Variants in EXOC6 observed in about 807,000 individuals in gnomAD.
EXOC6 encodes SEC15-like 1.
Under a neutral mutation model 112.5 loss-of-function variants are expected in EXOC6, and 60 were observed. That is an observed-to-expected ratio of 0.53 (90% confidence interval 0.43 to 0.66). The LOEUF (loss-of-function observed/expected upper bound fraction) is 0.66, where lower values mean the gene tolerates loss of function less well. EXOC6 is among the 30% of genes least tolerant of loss of function. EXOC6 has a pLI of 0.00. For synonymous variants in EXOC6, 295 were observed against 308.0 expected, an observed-to-expected ratio of 0.96 and a Z score of 0.44; for missense variants, 855 against 957.1, an observed-to-expected ratio of 0.89 and a Z score of 1.41.
chr10:93,003,820 T>G (rs1843862590), intron 19 of EXOC6, among the ~76,000 whole-genome samples: 1 of 151,956 alleles, frequency 6.6e-6, no homozygotes, highest in Admixed American at 6.6e-5. Context: ...TTGAGCTGGG[T>G]AAAAAGTAAA....
chr10:92,897,211 G>A (rs1187242087), intron 4 of EXOC6, among the ~76,000 whole-genome samples: 112 of 152,308 alleles, frequency 7.4e-4, no homozygotes, highest in Non-Finnish European at 2.1e-4. Flanking sequence ...AAGGGAAGTA[G>A]AGGTCAGCCG....
rs937954578 is a variant in EXOC6, at chr10:93,058,564, C to A, written c.*209C>A. 5.5e-5 allele frequency: 20 copies of A among 366,946 alleles called. No individual in the cohort carries two copies. Among genetic ancestry groups the A allele is most frequent in the African/African-American group, 2.9e-4 (14 of 47,636 alleles). 22.7% of individuals were successfully genotyped at this position (366,946 alleles called of 1,614,324 possible). A position where few individuals can be genotyped will look rare whatever the true frequency, so the allele number is the denominator to read the frequency against. On this transcript the variant is annotated 3_prime_UTR_variant, in exon 22 of 22. Transcript: ENST00000260762. ...TATTTTATATATGGAAAAAAATGAC[C>A]ATTTTTTCACTTTTAGGGGAAAATG... is the stretch of plus-strand genomic sequence containing the variant.
intron 17 of EXOC6, among the ~76,000 whole-genome samples, chr10:92,968,060 A>G (rs74149184): frequency 0.03 from 4,624 of 152,298 alleles, 173 homozygotes; most frequent in East Asian, 0.15. Context: ...TCTGTAGGTC[A>G]TAAGCATTTA....
At chr10:93,020,233 T>G (rs1844722391) in intron 20 of EXOC6, among the ~76,000 whole-genome samples, 1 of 152,210 alleles carries the variant, frequency 6.6e-6, no homozygotes, top group African/African-American at 2.4e-5. Flanking sequence ...TTTTTCTCAC[T>G]TAAAATCACT....
intron 20 of EXOC6, among the ~76,000 whole-genome samples, chr10:93,037,893 A>G (rs754680140): frequency 6.0e-5 from 9 of 150,750 alleles, no homozygotes; most frequent in Non-Finnish European, 1.2e-4. Flanking sequence ...CAAAAAAATT[A>G]GCCGGGCGCG....
chr10:93,012,124 G>A (rs148054418), intron 19 of EXOC6, among the ~76,000 whole-genome samples: 490 of 152,252 alleles, frequency 3.2e-3, no homozygotes, highest in Middle Eastern at 6.8e-3. Flanking sequence ...TCAAAGGAAC[G>A]TGTATAAAAC....
intron 19 of EXOC6, among the ~76,000 whole-genome samples, chr10:92,999,593 A>T (rs1217825674): frequency 6.6e-6 from 1 of 152,166 alleles, no homozygotes; most frequent in Non-Finnish European, 1.5e-5. Context: ...TAGTACATTA[A>T]GACATTTTGT....
At chr10:92,842,251 C>T (rs1390311852) in intron 1 of EXOC6, among the ~76,000 whole-genome samples, 3 of 151,372 alleles carry the variant, frequency 2.0e-5, no homozygotes, top group Non-Finnish European at 2.9e-5. Flanking sequence ...CCTAGCTACT[C>T]AGGAGGCTGA....
intron 20 of EXOC6, among the ~76,000 whole-genome samples, chr10:93,035,758 G>A (rs1845487430): frequency 6.6e-6 from 1 of 152,328 alleles, no homozygotes; most frequent in Admixed American, 6.5e-5. Context: ...GGGAGGTTGA[G>A]ACATGAGAAT....
At chr10:93,056,787 T>G in intron 20 of EXOC6, 137 bp from the exon 21 acceptor site, 1 of 601,550 alleles carries the variant, frequency 1.7e-6, no homozygotes, top group Non-Finnish European at 2.9e-6. Flanking sequence ...GTTAATGAAG[T>G]TTTAAAAATG....
intron 8 of EXOC6, among the ~76,000 whole-genome samples, chr10:92,927,045 A>G (rs1048801638): frequency 6.6e-6 from 1 of 152,178 alleles, no homozygotes; most frequent in Non-Finnish European, 1.5e-5. Context: ...AATTGGAAAA[A>G]GTTTCGTATA....
chr10:92,886,162 A>G (rs1225335425), intron 1 of EXOC6, among the ~76,000 whole-genome samples: 1 of 152,248 alleles, frequency 6.6e-6, no homozygotes, highest in Admixed American at 6.5e-5. Context: ...TAAACCAACT[A>G]GGCTCAAAGA....
intron 7 of EXOC6, among the ~76,000 whole-genome samples, chr10:92,918,416 C>CTT (rs34709274): frequency 7.3e-4 from 104 of 141,736 alleles, no homozygotes; most frequent in East Asian, 2.4e-3. Context: ...ATGTGCATTT[C>CTT]TTTTTTTTTT....
intron 12 of EXOC6, among the ~76,000 whole-genome samples, chr10:92,939,529 A>G (rs531252792): frequency 6.6e-6 from 1 of 152,052 alleles, no homozygotes; most frequent in South Asian, 2.1e-4. Context: ...GGAATACTTG[A>G]TTTCATTGGA....
chr10:92,890,970 G>A (rs988670294), intron 1 of EXOC6, among the ~76,000 whole-genome samples: 1 of 152,134 alleles, frequency 6.6e-6, no homozygotes, highest in Non-Finnish European at 1.5e-5. Flanking sequence ...AGACTGAAAG[G>A]GAACAAGGAT....
At chr10:92,940,448 G>C (rs1256634582) in intron 12 of EXOC6, among the ~76,000 whole-genome samples, 3 of 151,994 alleles carry the variant, frequency 2.0e-5, no homozygotes, top group Non-Finnish European at 2.9e-5. Flanking sequence ...CTCCAGCTCT[G>C]ACTTCTAATA....
intron 1 of EXOC6, among the ~76,000 whole-genome samples, chr10:92,885,817 AATTTT>A (rs1256281150): frequency 2.0e-5 from 3 of 152,022 alleles, no homozygotes; most frequent in Non-Finnish European, 2.9e-5. Context: ...CTTTTAAACA[AATTTT>A]ATTTTATTTA....
At chr10:92,980,920 G>A (rs1458018918) in intron 18 of EXOC6, among the ~76,000 whole-genome samples, 5 of 152,066 alleles carry the variant, frequency 3.3e-5, no homozygotes, top group South Asian at 2.1e-4. Flanking sequence ...CCAGCTACTC[G>A]GGAGGCTGAG....
intron 20 of EXOC6, among the ~76,000 whole-genome samples, chr10:93,037,850 G>C (rs1320857408): frequency 6.6e-6 from 1 of 150,468 alleles, no homozygotes; most frequent in African/African-American, 2.4e-5. Context: ...CGGAGATCGA[G>C]ACCACGGTGA....
Sources: gnomAD v4.1 joint callset for allele counts (sites outside exome capture counted in the v4.1 genomes callset) on GRCh38, gnomAD v4.1.1 for gene constraint, MANE v1.5 for transcripts, NCBI Gene and HGNC (gene_info 2026-07-23, HGNC 2026-07-21) for gene names.